PNKD: variants seen among roughly 807,000 people sequenced by gnomAD.
PNKD encodes the protein probable thioesterase PNKD.
A neutral mutation model predicts 45.3 loss-of-function variants in PNKD; 36 were observed. The observed-to-expected ratio is 0.80, with a 90% confidence interval of 0.61 to 1.05. The LOEUF (loss-of-function observed/expected upper bound fraction) is 1.05. Ranked by LOEUF, PNKD falls within the 50% of genes least tolerant of loss-of-function variation. The probability of loss-of-function intolerance (pLI) is 0.00; values close to 1 mark genes in which losing one functional copy is unlikely to be tolerated. For missense variants in PNKD, 511 were observed against 506.6 expected (o/e 1.01, Z -0.08); for synonymous variants, 197 against 210.1 (o/e 0.94, Z 0.54).
Position 218,340,508 on chromosome 2 carries a change from T to G in PNKD, c.466-220T>G, listed in dbSNP as rs989876405. ...CTGTCTTTCCCTCCCATTCCTTATC[T>G]CTCTGTGTCTGCCTCTCTCTATGTA... On this transcript the variant is annotated intron_variant, in intron 4 of 9. Coordinates refer to ENST00000273077, the MANE Select transcript of PNKD (RefSeq NM_015488.5). This position sits in a 1 kb window ranked among gnomAD's most constrained non-coding sequence, Gnocchi z 4.2. 1.3e-5 allele frequency among the ~76,000 whole-genome samples: 2 copies of G among 151,932 alleles called. No homozygotes were observed. The highest frequency in any genetic ancestry group is 2.9e-5 in the Non-Finnish European group (2 of 67,978).
intron 2 of PNKD, among the ~76,000 whole-genome samples, chr2:218,306,117 C>CA (rs1693396303): frequency 6.6e-6 from 1 of 152,186 alleles, no homozygotes; most frequent in African/African-American, 2.4e-5. Context: ...GTGATCAGGG[C>CA]AGGCTGGCAG....
intron 7 of PNKD, among the ~76,000 whole-genome samples, chr2:218,342,442 G>GT (rs1694708089): frequency 6.6e-6 from 1 of 152,114 alleles, no homozygotes; most frequent in South Asian, 2.1e-4. Flanking sequence ...GCTCATGCCT[G>GT]TAATCCCAGC....
intron 2 of PNKD, among the ~76,000 whole-genome samples, chr2:218,332,796 C>T (rs908108522): frequency 6.6e-6 from 1 of 152,098 alleles, no homozygotes; most frequent in Admixed American, 6.6e-5. Context: ...GAAAGGGAGT[C>T]TGATCCTGTG....
chr2:218,271,234 G>C, intron 1 of PNKD, 147 bp from the exon 2 acceptor site: 1 of 778,246 alleles, frequency 1.3e-6, no homozygotes, highest in Non-Finnish European at 2.3e-6. Flanking sequence ...TTTCCCTTTG[G>C]ATTCTCCTTG....
chr2:218,335,078 G>A (rs993272626), intron 2 of PNKD, among the ~76,000 whole-genome samples: 5 of 151,960 alleles, frequency 3.3e-5, no homozygotes, highest in Non-Finnish European at 5.9e-5. Flanking sequence ...TTGAACCCCA[G>A]CGTTTCAGGC....
intron 2 of PNKD, chr2:218,272,650 A>C: frequency 6.2e-7 from 1 of 1,614,206 alleles, no homozygotes; most frequent in Non-Finnish European, 8.5e-7. Context: ...AAGCAGATGA[A>C]GGCTCGGCAG....
intron 2 of PNKD, among the ~76,000 whole-genome samples, chr2:218,284,572 C>G (rs1391811740): frequency 6.6e-6 from 1 of 152,246 alleles, no homozygotes; most frequent in Non-Finnish European, 1.5e-5. Flanking sequence ...TCTTGCCCCT[C>G]CCTTTCAGGC....
intron 2 of PNKD, chr2:218,276,182 T>C (rs1241937339): frequency 4.7e-6 from 6 of 1,284,910 alleles, no homozygotes; most frequent in Non-Finnish European, 6.6e-6. Flanking sequence ...TGGGTAGAGC[T>C]GGGAAGCTAG....
Position 218,340,648 on chromosome 2 carries a change from C to T in PNKD, c.466-80C>T, listed in dbSNP as rs753992921. The T allele has an allele frequency of 2.1e-5, 21 of 980,612 alleles. No homozygotes were observed. The highest frequency in any genetic ancestry group is 9.5e-5 in the East Asian group (4 of 42,104). The allele number at this position is 980,612 out of a possible 1,614,324, so 60.7% of individuals were successfully genotyped here. A position where few individuals can be genotyped will look rare whatever the true frequency, so the allele number is the denominator to read the frequency against. ...CATGCTCTCCTCTCCTCTCCACCAG[C>T]GCCCACACTCCTGGCTCTTGCTGCT... On this transcript the variant is annotated intron_variant, in intron 4 of 9. Transcript: ENST00000273077. This position sits in a 1 kb window ranked among gnomAD's most constrained non-coding sequence, Gnocchi z 4.2.
chr2:218,275,563 T>G, intron 2 of PNKD: 1 of 1,613,990 alleles, frequency 6.2e-7, no homozygotes, highest in Non-Finnish European at 8.5e-7. Context: ...GATGTAGTCC[T>G]CGGGGCTGAT....
At chr2:218,342,332 G>A (rs1694703955) in intron 7 of PNKD, among the ~76,000 whole-genome samples, 188 bp downstream of exon 7, 1 of 152,334 alleles carries the variant, frequency 6.6e-6, no homozygotes, top group South Asian at 2.1e-4. Context: ...TTGGGAGGCT[G>A]AGGCAGGAGG....
chr2:218,313,581 A>G (rs1438083929), intron 2 of PNKD, among the ~76,000 whole-genome samples: 1 of 152,202 alleles, frequency 6.6e-6, no homozygotes, highest in Non-Finnish European at 1.5e-5. Flanking sequence ...CTTTTGTTGC[A>G]AGATCTCTAG....
intron 2 of PNKD, chr2:218,279,655 G>A (rs766224390): frequency 9.9e-5 from 48 of 483,776 alleles, no homozygotes; most frequent in Middle Eastern, 5.5e-4. Context: ...CAGTCTGCAC[G>A]CTCTATGCAG....
Position 218,340,501 on chromosome 2 carries a change from C to T in PNKD, c.466-227C>T, listed in dbSNP as rs958718057. On this transcript the variant is annotated intron_variant, in intron 4 of 9. Coordinates refer to ENST00000273077, the MANE Select transcript of PNKD (RefSeq NM_015488.5). The surrounding 1 kb of genome is among the most constrained non-coding windows in gnomAD (Gnocchi z 4.2). ...GGTCTCTCTGTCTTTCCCTCCCATT[C>T]CTTATCTCTCTGTGTCTGCCTCTCT... Among the ~76,000 whole-genome samples the T allele has an allele frequency of 3.3e-5, 5 of 152,062 alleles. No individual in the cohort carries two copies. The highest frequency in any genetic ancestry group is 7.4e-5 in the Non-Finnish European group (5 of 68,002).
At chr2:218,290,033 T>C (rs1037271540) in intron 2 of PNKD, 3 of 152,126 alleles carry the variant, frequency 2.0e-5, no homozygotes, top group African/African-American at 7.2e-5. Flanking sequence ...TATCCCTAAA[T>C]CAGCCCACGT....
intron 2 of PNKD, among the ~76,000 whole-genome samples, chr2:218,333,663 C>T (rs1233289432): frequency 6.6e-6 from 1 of 152,136 alleles, no homozygotes; most frequent in Admixed American, 6.5e-5. Flanking sequence ...CAACAGGGGC[C>T]AGGCTATGAT....
At chr2:218,324,575 C>A (rs1380146672) in intron 2 of PNKD, among the ~76,000 whole-genome samples, 2 of 152,156 alleles carry the variant, frequency 1.3e-5, no homozygotes, top group African/African-American at 4.8e-5. Context: ...AAACCTTGGT[C>A]GCAGTTTAGA....
chr2:218,327,095 A>G (rs1301048777), intron 2 of PNKD: 1 of 152,306 alleles, frequency 6.6e-6, no homozygotes, highest in Non-Finnish European at 1.5e-5. Flanking sequence ...CGAATAGGAC[A>G]CAGGCAGGTC....
rs759569070 is a variant in PNKD at position 218,271,407 on chromosome 2, A to T, written c.94A>T (p.Lys32Ter). The T allele has an allele frequency of 6.2e-7, 1 of 1,613,804 alleles. No homozygotes were observed. The highest frequency in any genetic ancestry group is 8.5e-7 in the Non-Finnish European group (1 of 1,179,740). ...RGILAGATAN[K>*]ASHNRTRALQ... ...GATTCTCGCAGGAGCCACAGCTAAC[A>T]AGGCTTCTCATAACAGGACCCGGGC... Residue 32 changes from lysine to a stop codon, truncating the protein, a stop_gained, in exon 2 of 10, where the codon AAG becomes TAG. Coordinates refer to ENST00000273077, the MANE Select transcript of PNKD (RefSeq NM_015488.5). LOFTEE classifies it high-confidence loss of function.
Sources: allele counts gnomAD v4.1 joint callset (sites outside exome capture counted in the v4.1 genomes callset), GRCh38; gene constraint gnomAD v4.1.1; non-coding constraint Gnocchi (gnomAD v3.1); transcripts MANE v1.5; gene names NCBI Gene and HGNC (gene_info 2026-07-23, HGNC 2026-07-21).